Variants in INPP5A observed in about 807,000 individuals in gnomAD.
INPP5A encodes inositol polyphosphate-5-phosphatase A, also known as 43 kDa inositol polyphosphate 5-phophatase.
INPP5A carries 14 observed loss-of-function variants against 65.2 expected under a neutral mutation model. The observed-to-expected ratio is 0.21, with a 90% CI of 0.14 to 0.34. The LOEUF is 0.34. Ranked by LOEUF, INPP5A falls within the 10% of genes least tolerant of loss-of-function variation. The pLI, the probability that INPP5A is intolerant of heterozygous loss-of-function variation, is 1.00. For missense variants in INPP5A, 431 were observed against 545.6 expected (o/e 0.79, Z 2.09); for synonymous variants, 207 against 208.3 (o/e 0.99, Z 0.05).
chr10:132,564,508 G>A (rs1254551047), intron 1 of INPP5A, among the ~76,000 whole-genome samples: 1 of 152,048 alleles, frequency 6.6e-6, no homozygotes, highest in East Asian at 1.9e-4. Context: ...CAGAGTCACC[G>A]GCCCAGGGCT....
chr10:132,633,226 G>T (rs2072297526), intron 2 of INPP5A, among the ~76,000 whole-genome samples: 1 of 152,172 alleles, frequency 6.6e-6, no homozygotes, highest in Non-Finnish European at 1.5e-5. Flanking sequence ...CCTTTAGTGG[G>T]CGAGGTGCTT....
intron 11 of INPP5A, among the ~76,000 whole-genome samples, chr10:132,764,971 C>G (rs1307238527): frequency 1.1e-4 from 16 of 144,446 alleles, no homozygotes; most frequent in Non-Finnish European, 2.1e-4. Context: ...CGGGTCAGTC[C>G]TGCTGCGGTG....
intron 1 of INPP5A, among the ~76,000 whole-genome samples, chr10:132,592,770 G>A (rs2071634505): frequency 6.6e-6 from 1 of 152,162 alleles, no homozygotes; most frequent in Admixed American, 6.5e-5. Context: ...CTAATCTGAG[G>A]CACACGCAGG....
intron 9 of INPP5A, among the ~76,000 whole-genome samples, chr10:132,735,196 T>G (rs1846155020): frequency 6.6e-6 from 1 of 152,164 alleles, no homozygotes; most frequent in South Asian, 2.1e-4. Flanking sequence ...GAGGCCACGT[T>G]GGTACCTGCA....
intron 8 of INPP5A, among the ~76,000 whole-genome samples, chr10:132,715,048 G>A (rs185770322): frequency 9.9e-4 from 150 of 152,026 alleles, no homozygotes; most frequent in African/African-American, 3.2e-3. Context: ...TCTTGGAGGC[G>A]CCGAGCACTC....
In INPP5A at chr10:132,688,766, G is replaced by A. The variant is rs118093207; in HGVS notation, c.307-1626G>A. 7.1e-4 allele frequency among the ~76,000 whole-genome samples: 107 copies of A among 151,698 alleles called. 1 individual carries two copies. In the East Asian group the frequency reaches 0.02, roughly 28 times the overall value. ...AGTGTGTGAGCAAGTGCATGTGAGT[G>A]CACGAATGAGTTCGTGTGTGAGCAA... On this transcript the variant is annotated intron_variant, in intron 4 of 15. Transcript: ENST00000368594.
intron 13 of INPP5A, 61 bp from the exon 14 acceptor site, chr10:132,780,788 T>C (rs1847146859): frequency 1.5e-6 from 2 of 1,351,580 alleles, no homozygotes; most frequent in Non-Finnish European, 2.1e-6. Context: ...GCCAGTCAGC[T>C]CCCAACTGGA....
intron 1 of INPP5A, among the ~76,000 whole-genome samples, chr10:132,561,283 A>G (rs913687067): frequency 6.6e-6 from 1 of 151,932 alleles, no homozygotes; most frequent in African/African-American, 2.4e-5. Context: ...TTTCCTAATC[A>G]AGGTCACAAA....
intron 5 of INPP5A, among the ~76,000 whole-genome samples, chr10:132,693,921 AC>A (rs1845306839): frequency 6.6e-6 from 1 of 152,232 alleles, no homozygotes; most frequent in South Asian, 2.1e-4. Context: ...AGATGAACCC[AC>A]TATCATAGTT....
At chr10:132,726,356 C>T (rs996642863) in intron 8 of INPP5A, among the ~76,000 whole-genome samples, 8 of 152,232 alleles carry the variant, frequency 5.3e-5, no homozygotes, top group Non-Finnish European at 8.8e-5. Context: ...CGCGCCTCCC[C>T]GTCCATCTCC....
At chr10:132,617,837 TG>T (rs1402968593) in intron 2 of INPP5A, among the ~76,000 whole-genome samples, 1 of 152,254 alleles carries the variant, frequency 6.6e-6, no homozygotes, top group African/African-American at 2.4e-5. Flanking sequence ...TGCGTGGCTG[TG>T]GGCAGGTGTG....
intron 1 of INPP5A, among the ~76,000 whole-genome samples, chr10:132,585,775 G>A (rs1320895694): frequency 6.6e-6 from 1 of 152,110 alleles, no homozygotes; most frequent in Admixed American, 6.5e-5. Context: ...GGTGGCCCCT[G>A]TCTTATTTCA....
At chr10:132,688,480 C>G (rs963117135) in intron 4 of INPP5A, among the ~76,000 whole-genome samples, 3 of 152,232 alleles carry the variant, frequency 2.0e-5, no homozygotes, top group East Asian at 1.9e-4. Context: ...CTTAGAGAGA[C>G]AATAGCTCTG....
intron 2 of INPP5A, among the ~76,000 whole-genome samples, chr10:132,615,186 G>T (rs546896205): frequency 1.3e-5 from 2 of 152,226 alleles, no homozygotes; most frequent in Admixed American, 1.3e-4. Context: ...TCCACGTCTC[G>T]AGTTGCTCTG....
chr10:132,773,113 T>G (rs2134686445), intron 12 of INPP5A, among the ~76,000 whole-genome samples: 1 of 152,294 alleles, frequency 6.6e-6, no homozygotes, highest in Admixed American at 6.5e-5. Flanking sequence ...CGGCGCAGGG[T>G]GCGGTGGGCT....
intron 12 of INPP5A, among the ~76,000 whole-genome samples, chr10:132,769,683 C>T (rs897662288): frequency 2.0e-5 from 3 of 152,170 alleles, no homozygotes; most frequent in African/African-American, 4.8e-5. Context: ...TGAGCAGAGG[C>T]GGCGATGGGC....
chr10:132,560,737 C>T (rs947123112), intron 1 of INPP5A, among the ~76,000 whole-genome samples: 1 of 152,158 alleles, frequency 6.6e-6, no homozygotes, highest in Non-Finnish European at 1.5e-5. Flanking sequence ...TCTCACGTAG[C>T]TGGGACTACA....
At chr10:132,626,940 A>T (rs2072192690) in intron 2 of INPP5A, among the ~76,000 whole-genome samples, 1 of 152,046 alleles carries the variant, frequency 6.6e-6, no homozygotes, top group Non-Finnish European at 1.5e-5. Flanking sequence ...GGTGTCATAG[A>T]CCAAATTGTG....
chr10:132,742,269 C>T (rs3793674), intron 9 of INPP5A, among the ~76,000 whole-genome samples: 91,155 of 152,124 alleles, frequency 0.6, 28,150 homozygotes, highest in East Asian at 0.87. Flanking sequence ...CTGTGTTCCC[C>T]TTGATGCAGC....
Sources: gnomAD v4.1 joint callset for allele counts (sites outside exome capture counted in the v4.1 genomes callset) on GRCh38, gnomAD v4.1.1 for gene constraint, MANE v1.5 for transcripts, NCBI Gene and HGNC (gene_info 2026-07-23, HGNC 2026-07-21) for gene names.